Variants in ATRNL1 observed in about 807,000 individuals in gnomAD.
ATRNL1 encodes the protein attractin like 1, also known as attractin-like protein 1.
Under a neutral mutation model 182.7 loss-of-function variants are expected in ATRNL1, and 95 were observed. The ratio of observed to expected loss-of-function variants is 0.52; its 90% CI spans 0.44 to 0.62. The LOEUF (loss-of-function observed/expected upper bound fraction) is 0.62, where lower values mean the gene tolerates loss of function less well. Among genes scored for constraint, ATRNL1 ranks in the 20% least tolerant of loss-of-function variants. The probability of loss-of-function intolerance (pLI) is 0.00; values close to 1 mark genes in which losing one functional copy is unlikely to be tolerated. For missense variants in ATRNL1, 1,471 were observed against 1,679.5 expected (o/e 0.88, Z 2.17); for synonymous variants, 576 against 568.3 (o/e 1.01, Z -0.19).
At chr10:115,212,748 C>G (rs1258241323) in intron 8 of ATRNL1, among the ~76,000 whole-genome samples, 2 of 152,098 alleles carry the variant, frequency 1.3e-5, no homozygotes, top group East Asian at 3.9e-4. Flanking sequence ...AACACAGGAA[C>G]AGAAAACCAA....
intron 8 of ATRNL1, among the ~76,000 whole-genome samples, chr10:115,208,923 C>T (rs968298676): frequency 6.6e-6 from 1 of 151,824 alleles, no homozygotes; most frequent in Non-Finnish European, 1.5e-5. Flanking sequence ...GATCACCACT[C>T]TATTTTGGAT....
intron 20 of ATRNL1, among the ~76,000 whole-genome samples, chr10:115,423,351 C>T (rs1055374601): frequency 6.6e-6 from 1 of 151,862 alleles, no homozygotes; most frequent in Non-Finnish European, 1.5e-5. Context: ...CTGGCCAACA[C>T]GGCAAAACCC....
At chr10:115,332,918 A>G (rs782141353) in intron 18 of ATRNL1, among the ~76,000 whole-genome samples, 15 of 152,074 alleles carry the variant, frequency 9.9e-5, no homozygotes, top group African/African-American at 3.1e-4. Flanking sequence ...AGATTTCTCC[A>G]TCTTAGAATC....
At chr10:115,735,046 C>G (rs1408967216) in intron 27 of ATRNL1, among the ~76,000 whole-genome samples, 11 of 151,748 alleles carry the variant, frequency 7.2e-5, no homozygotes. Context: ...TTTGTCATTC[C>G]TTGAATTAAA....
At chr10:115,192,055 CTG>C (rs1428707514) in intron 8 of ATRNL1, among the ~76,000 whole-genome samples, 1 of 152,002 alleles carries the variant, frequency 6.6e-6, no homozygotes, top group African/African-American at 2.4e-5. Flanking sequence ...TGTCTCTTCA[CTG>C]TGTTGATTGT....
At chr10:115,244,550 A>G (rs1397989126) in intron 10 of ATRNL1, among the ~76,000 whole-genome samples, 1 of 152,260 alleles carries the variant, frequency 6.6e-6, no homozygotes, top group African/African-American at 2.4e-5. Flanking sequence ...AGGGTGGTGA[A>G]TAAGATAGGT....
chr10:115,873,588 G>C (rs1007532634), intron 28 of ATRNL1, among the ~76,000 whole-genome samples: 1 of 152,148 alleles, frequency 6.6e-6, no homozygotes, highest in Non-Finnish European at 1.5e-5. Context: ...CTTTCTTTAA[G>C]GTAGTTTCTG....
chr10:115,715,738 A>G (rs1947228531), intron 26 of ATRNL1, among the ~76,000 whole-genome samples: 1 of 152,224 alleles, frequency 6.6e-6, no homozygotes, highest in African/African-American at 2.4e-5. Context: ...GAAGTTCCGA[A>G]TTTAGTTTCA....
At chr10:115,768,865 A>G in intron 27 of ATRNL1, among the ~76,000 whole-genome samples, 1 of 152,086 alleles carries the variant, frequency 6.6e-6, no homozygotes, top group East Asian at 1.9e-4. Context: ...CTTTGTTTCC[A>G]CAAAAGACAC....
At chr10:115,417,205 T>C (rs1181149240) in intron 20 of ATRNL1, among the ~76,000 whole-genome samples, 3 of 152,190 alleles carry the variant, frequency 2.0e-5, no homozygotes, top group Non-Finnish European at 2.9e-5. Context: ...AATCATCTTC[T>C]AAGGGGTCTA....
chr10:115,929,809 CAT>C (rs1953342089), intron 28 of ATRNL1, among the ~76,000 whole-genome samples: 1 of 152,060 alleles, frequency 6.6e-6, no homozygotes. Context: ...TAGAACAAAA[CAT>C]ATGTCAATAT....
intron 26 of ATRNL1, among the ~76,000 whole-genome samples, chr10:115,592,349 G>C (rs553186257): frequency 6.6e-6 from 1 of 152,272 alleles, no homozygotes; most frequent in Non-Finnish European, 1.5e-5. Context: ...GATCGCCAGT[G>C]ATGGTGTTTC....
At chr10:115,725,839 G>A (rs1555059900) in intron 26 of ATRNL1, among the ~76,000 whole-genome samples, 1 of 152,048 alleles carries the variant, frequency 6.6e-6, no homozygotes, top group Non-Finnish European at 1.5e-5. Flanking sequence ...GATTCTATTT[G>A]CCAGGAGCTG....
intron 25 of ATRNL1, among the ~76,000 whole-genome samples, chr10:115,534,593 T>G (rs1250020783): frequency 6.6e-6 from 1 of 152,264 alleles, no homozygotes; most frequent in African/African-American, 2.4e-5. Flanking sequence ...ATTGGAGCAT[T>G]TAGTCCATTT....
chr10:115,132,727 T>C (rs1554875554), intron 5 of ATRNL1, among the ~76,000 whole-genome samples: 1 of 152,212 alleles, frequency 6.6e-6, no homozygotes. Context: ...CATAAATGTC[T>C]TCTTTTGAGA....
chr10:115,175,295 A>G (rs1049488433), intron 8 of ATRNL1, among the ~76,000 whole-genome samples: 1 of 152,078 alleles, frequency 6.6e-6, no homozygotes, highest in Non-Finnish European at 1.5e-5. Context: ...TGGCTAGGAA[A>G]GTACTATGGG....
At chr10:115,577,610 T>TTTTGTGTG (rs1326647182) in intron 26 of ATRNL1, among the ~76,000 whole-genome samples, 1 of 135,016 alleles carries the variant, frequency 7.4e-6, no homozygotes, top group Non-Finnish European at 1.6e-5. Context: ...TTCTAACAGG[T>TTTTGTGTG]TGTGTGTGTG....
chr10:115,318,036 A>G (rs1336831522), intron 18 of ATRNL1, among the ~76,000 whole-genome samples: 2 of 152,184 alleles, frequency 1.3e-5, no homozygotes, highest in Admixed American at 6.5e-5. Flanking sequence ...TGGGATTGTC[A>G]TAAGAAGCTC....
chr10:115,905,903 A>G (rs782394106), intron 28 of ATRNL1, among the ~76,000 whole-genome samples: 1 of 152,246 alleles, frequency 6.6e-6, no homozygotes, highest in Admixed American at 6.5e-5. Context: ...TCCTCATGTC[A>G]TTCAAGCTTC....
Sources: gnomAD v4.1 joint callset for allele counts (sites outside exome capture counted in the v4.1 genomes callset) on GRCh38, gnomAD v4.1.1 for gene constraint, MANE v1.5 for transcripts, NCBI Gene and HGNC (gene_info 2026-07-23, HGNC 2026-07-21) for gene names.